The following ASXL3 variants were observed in gnomAD, a reference collection of about 807,000 sequenced individuals.
The protein encoded by ASXL3 is ASXL transcriptional regulator 3, also known as putative Polycomb group protein ASXL3.
A neutral mutation model predicts 170.6 loss-of-function variants in ASXL3; 34 were observed. The observed-to-expected ratio is 0.20, with a 90% CI of 0.15 to 0.27. The LOEUF is 0.27. Among genes scored for constraint, ASXL3 ranks in the 10% least tolerant of loss-of-function variants. The pLI is 1.00. For synonymous variants in ASXL3, 1,002 were observed against 989.1 expected (o/e 1.01, Z -0.24); for missense variants, 2,592 against 2,695.3 (o/e 0.96, Z 0.85).
intron 7 of ASXL3, among the ~76,000 whole-genome samples, chr18:33,678,612 T>C (rs1051409744): frequency 6.6e-6 from 1 of 152,222 alleles, no homozygotes; most frequent in Admixed American, 6.5e-5. Context: ...GCATAGGCTG[T>C]GGCAACGTAG....
At chr18:33,669,851 T>C (rs995458163) in intron 5 of ASXL3, among the ~76,000 whole-genome samples, 174 of 152,308 alleles carry the variant, frequency 1.1e-3, no homozygotes, top group Non-Finnish European at 2.0e-3. Flanking sequence ...TTCGTGTGCT[T>C]AAGACCCTTT....
At chr18:33,616,102 G>C (rs893612718) in intron 2 of ASXL3, among the ~76,000 whole-genome samples, 4 of 152,002 alleles carry the variant, frequency 2.6e-5, no homozygotes, top group African/African-American at 9.7e-5. Flanking sequence ...TTTAAATGTA[G>C]GGACAAAATT....
intron 7 of ASXL3, among the ~76,000 whole-genome samples, chr18:33,679,942 C>CT (rs2066487947): frequency 6.6e-6 from 1 of 151,878 alleles, no homozygotes; most frequent in South Asian, 2.1e-4. Context: ...ATAAAAAATA[C>CT]TTTTTTATTG....
intron 4 of ASXL3, among the ~76,000 whole-genome samples, chr18:33,655,709 G>A (rs2066072821): frequency 6.6e-6 from 1 of 152,060 alleles, no homozygotes; most frequent in East Asian, 1.9e-4. Context: ...TTAACAATTT[G>A]TAGCATGTAT....
chr18:33,618,542 A>C (rs923201738), intron 2 of ASXL3, among the ~76,000 whole-genome samples: 10 of 152,184 alleles, frequency 6.6e-5, no homozygotes, highest in African/African-American at 2.2e-4. Flanking sequence ...GCGCCTACTC[A>C]GTGTTTACTG....
intron 2 of ASXL3, among the ~76,000 whole-genome samples, chr18:33,642,404 A>G (rs2065858724): frequency 6.6e-6 from 1 of 151,904 alleles, no homozygotes; most frequent in African/African-American, 2.4e-5. Context: ...AAAAAAACGG[A>G]CCAGAATAAC....
chr18:33,690,421 G>C (rs2066669485), intron 8 of ASXL3: 1 of 152,192 alleles, frequency 6.6e-6, no homozygotes, highest in South Asian at 2.1e-4. Context: ...ACATGCACCT[G>C]TATATGTGTG....
chr18:33,578,831 T>A, intron 1 of ASXL3, 146 bp downstream of exon 1: 2 of 429,678 alleles, frequency 4.7e-6, no homozygotes, highest in Non-Finnish European at 6.6e-6. Flanking sequence ...TCTGCGGGAG[T>A]GGGCTCGCCC....
intron 4 of ASXL3, among the ~76,000 whole-genome samples, chr18:33,653,069 A>G (rs1238560178): frequency 6.6e-6 from 1 of 152,012 alleles, no homozygotes; most frequent in Admixed American, 6.6e-5. Context: ...GTTTTGAGTA[A>G]CTTTGGAAGA....
chr18:33,686,330 A>G (rs2066596973), intron 8 of ASXL3, among the ~76,000 whole-genome samples: 1 of 152,256 alleles, frequency 6.6e-6, no homozygotes, highest in Admixed American at 6.5e-5. Context: ...CTCTGTGCTC[A>G]CTACTAGAAA....
chr18:33,728,247 A>T (rs754882834), intron 8 of ASXL3, among the ~76,000 whole-genome samples: 21 of 152,172 alleles, frequency 1.4e-4, no homozygotes, highest in Non-Finnish European at 2.5e-4. Flanking sequence ...AAAGTTTATA[A>T]GACAAAATCT....
intron 8 of ASXL3, 108 bp from the exon 9 acceptor site, chr18:33,731,860 C>G: frequency 1.4e-6 from 1 of 713,086 alleles, no homozygotes; most frequent in Non-Finnish European, 2.4e-6. Flanking sequence ...CCTTCCTCCT[C>G]CTCACACATA....
At position 33,744,694 on chromosome 18, in the gene ASXL3, A is replaced by G. The variant is rs2145429886; in HGVS notation, c.4846A>G (p.Ser1616Gly). 6.2e-7 allele frequency: 1 copy of G among 1,611,484 alleles called. No individual in the cohort carries two copies. Among genetic ancestry groups the G allele is most frequent in the Non-Finnish European group, 8.5e-7 (1 of 1,178,598 alleles). Reference protein sequence around the residue: ...RICWNDDGMRSTGQPLVTHSG... With the variant: ...RICWNDDGMRGTGQPLVTHSG... ...TTGCTGGAATGATGATGGGATGAGGAGCACAGGACAGCCTCTGGTTACTCA... is the reference window on the plus strand; with the variant it reads ...TTGCTGGAATGATGATGGGATGAGGGGCACAGGACAGCCTCTGGTTACTCA... The change falls in exon 12 of 12, where the codon AGC becomes GGC. Residue 1616 changes from serine to glycine, a missense_variant. Transcript: ENST00000269197.
chr18:33,582,788 C>G (rs955407331), intron 1 of ASXL3, among the ~76,000 whole-genome samples: 2 of 150,540 alleles, frequency 1.3e-5, no homozygotes, highest in Non-Finnish European at 3.0e-5. Context: ...TTTTTAATGA[C>G]AAATTCACCT....
intron 1 of ASXL3, among the ~76,000 whole-genome samples, chr18:33,582,833 C>T (rs978450615): frequency 2.0e-5 from 3 of 151,546 alleles, no homozygotes; most frequent in South Asian, 4.2e-4. Flanking sequence ...TAACCTTTTA[C>T]GACACAGCAG....
At chr18:33,615,864 AT>A (rs1417169417) in intron 2 of ASXL3, among the ~76,000 whole-genome samples, 1 of 152,132 alleles carries the variant, frequency 6.6e-6, no homozygotes, top group African/African-American at 2.4e-5. Context: ...TTTAGATAAA[AT>A]TTTGAATTTC....
chr18:33,744,115 A>G lies in ASXL3; in HGVS notation c.4267A>G (p.Ile1423Val). 6.2e-7 allele frequency: 1 copy of G among 1,614,002 alleles called. No individual in the cohort carries two copies. The highest frequency in any genetic ancestry group is 8.5e-7 in the Non-Finnish European group (1 of 1,179,884). ...VAMFTGNMLT[I>V]NSYDSPPKLS... ...AATGTTTACTGGAAACATGCTGACA[A>G]TAAACTCTTATGATAGTCCTCCCAA... The change falls in exon 12 of 12, where the codon ATA (isoleucine) becomes GTA (valine). Residue 1423 changes from isoleucine to valine, a missense_variant. Transcript: ENST00000269197.
At chr18:33,603,998 G>A (rs532642520) in intron 1 of ASXL3, among the ~76,000 whole-genome samples, 8 of 152,132 alleles carry the variant, frequency 5.3e-5, no homozygotes, top group East Asian at 1.9e-4. Flanking sequence ...TATTCTTAGC[G>A]AAACTCAGCA....
At chr18:33,706,384 G>A (rs553298784) in intron 8 of ASXL3, among the ~76,000 whole-genome samples, 1 of 151,532 alleles carries the variant, frequency 6.6e-6, no homozygotes, top group African/African-American at 2.4e-5. Context: ...CTAATTGTTG[G>A]GTCATAGAGT....
Sources: allele counts gnomAD v4.1 joint callset (sites outside exome capture counted in the v4.1 genomes callset), GRCh38; gene constraint gnomAD v4.1.1; transcripts MANE v1.5; gene names NCBI Gene and HGNC (gene_info 2026-07-23, HGNC 2026-07-21).